Variants in CNTNAP4 observed in about 807,000 individuals in gnomAD.
The protein encoded by CNTNAP4 is contactin-associated protein-like 4.
Under a neutral mutation model 148.4 loss-of-function variants are expected in CNTNAP4, and 98 were observed. The ratio of observed to expected loss-of-function variants is 0.66; its 90% CI spans 0.56 to 0.78. CNTNAP4 has a LOEUF of 0.78. Ranked by LOEUF, CNTNAP4 falls within the 30% of genes least tolerant of loss-of-function variation. CNTNAP4 has a pLI of 0.00. For synonymous variants in CNTNAP4, 730 were observed against 565.1 expected (o/e 1.29, Z -4.14); for missense variants, 1,935 against 1,565.6 (o/e 1.24, Z -3.98).
At chr16:76,493,770 C>G (rs1041280928) in intron 13 of CNTNAP4, among the ~76,000 whole-genome samples, 8 of 152,148 alleles carry the variant, frequency 5.3e-5, no homozygotes, top group South Asian at 2.1e-4. Flanking sequence ...CATAACACAG[C>G]TTCTAATAAC....
intron 1 of CNTNAP4, among the ~76,000 whole-genome samples, chr16:76,295,236 A>G (rs1959205652): frequency 6.6e-6 from 1 of 152,202 alleles, no homozygotes; most frequent in Non-Finnish European, 1.5e-5. Flanking sequence ...GCGGAAACAC[A>G]TGCCCATCAT....
At position 76,277,562 on chromosome 16, in the gene CNTNAP4, GGGCTGAA is replaced by G; in HGVS notation, c.-99_-93del. ...GAGGGGGAGAGACAGAGACCTAGAG[GGGCTGAA>G]GACCCAGACAGAGCTGGCAGAGCTA... On this transcript the variant is annotated 5_prime_UTR_variant, in exon 1 of 24. Transcript: ENST00000611870. The G allele has an allele frequency of 1.4e-6, 1 of 738,966 alleles. No homozygotes were observed. The highest frequency in any genetic ancestry group is 1.6e-5 in the South Asian group (1 of 63,838). 45.8% of individuals were successfully genotyped at this position (738,966 alleles called of 1,614,324 possible). A position where few individuals can be genotyped will look rare whatever the true frequency, so the allele number is the denominator to read the frequency against.
intron 4 of CNTNAP4, among the ~76,000 whole-genome samples, chr16:76,437,533 A>T (rs1349739826): frequency 6.6e-6 from 1 of 152,156 alleles, no homozygotes; most frequent in East Asian, 1.9e-4. Context: ...CAAAAAGGAT[A>T]GTAACTGCTA....
intron 18 of CNTNAP4, 109 bp downstream of exon 18, chr16:76,535,893 A>T: frequency 7.9e-7 from 1 of 1,258,990 alleles, no homozygotes; most frequent in East Asian, 2.5e-5. Flanking sequence ...TCAATTTCTG[A>T]ATTGCTTTGG....
intron 2 of CNTNAP4, among the ~76,000 whole-genome samples, chr16:76,323,686 T>C (rs1425333664): frequency 6.6e-6 from 1 of 152,122 alleles, no homozygotes; most frequent in East Asian, 1.9e-4. Context: ...GCCCCTTCCT[T>C]AGAACATGCT....
intron 21 of CNTNAP4, among the ~76,000 whole-genome samples, chr16:76,543,728 C>T (rs1568583905): frequency 6.6e-6 from 1 of 152,194 alleles, no homozygotes; most frequent in Non-Finnish European, 1.5e-5. Flanking sequence ...CTTGGAATGC[C>T]TGCTGTGACC....
At chr16:76,494,463 A>T (rs904056432) in intron 13 of CNTNAP4, among the ~76,000 whole-genome samples, 1 of 152,164 alleles carries the variant, frequency 6.6e-6, no homozygotes, top group Non-Finnish European at 1.5e-5. Flanking sequence ...ATTTATTGAG[A>T]TAAATCAGGG....
chr16:76,410,722 C>T (rs142023404), intron 3 of CNTNAP4, among the ~76,000 whole-genome samples: 34 of 151,756 alleles, frequency 2.2e-4, no homozygotes, highest in African/African-American at 7.7e-4. Context: ...TGTACAGAAT[C>T]TGAAGGTCAG....
chr16:76,505,987 T>C (rs59452342), intron 15 of CNTNAP4, among the ~76,000 whole-genome samples: 18,844 of 97,272 alleles, frequency 0.19, 5,692 homozygotes, highest in African/African-American at 0.39. Flanking sequence ...ATTTCAGTAA[T>C]ATGGATATTC....
intron 6 of CNTNAP4, 82 bp downstream of exon 6, chr16:76,449,033 A>G: frequency 1.6e-6 from 2 of 1,287,298 alleles, no homozygotes; most frequent in Non-Finnish European, 2.2e-6. Context: ...CACTATAAAG[A>G]GCCCACCTTT....
intron 1 of CNTNAP4, among the ~76,000 whole-genome samples, chr16:76,310,595 C>T (rs1960994312): frequency 1.3e-5 from 2 of 151,866 alleles, no homozygotes; most frequent in African/African-American, 4.8e-5. Context: ...TCTCACCCTG[C>T]CTCTGGTGTA....
At chr16:76,501,469 T>A (rs895151905) in intron 15 of CNTNAP4, among the ~76,000 whole-genome samples, 1 of 152,184 alleles carries the variant, frequency 6.6e-6, no homozygotes, top group Non-Finnish European at 1.5e-5. Context: ...AGACTTCCTG[T>A]CATCATTTTA....
intron 1 of CNTNAP4, among the ~76,000 whole-genome samples, chr16:76,301,895 T>G (rs1434258148): frequency 6.6e-6 from 1 of 152,096 alleles, no homozygotes; most frequent in Non-Finnish European, 1.5e-5. Flanking sequence ...TCATGGCATT[T>G]CGTAGGACAT....
chr16:76,413,213 TG>T (rs1319555150), intron 3 of CNTNAP4, among the ~76,000 whole-genome samples: 2 of 151,312 alleles, frequency 1.3e-5, no homozygotes, highest in African/African-American at 4.8e-5. Context: ...TCTTTCTGTT[TG>T]TTTGTACCCG....
intron 3 of CNTNAP4, among the ~76,000 whole-genome samples, chr16:76,412,594 C>CT (rs1315997199): frequency 6.6e-6 from 1 of 151,404 alleles, no homozygotes; most frequent in Non-Finnish European, 1.5e-5. Flanking sequence ...AACTCTCACA[C>CT]TTTGGTTCTA....
intron 21 of CNTNAP4, among the ~76,000 whole-genome samples, chr16:76,549,946 C>T (rs781517087): frequency 3.9e-5 from 6 of 152,130 alleles, no homozygotes; most frequent in Non-Finnish European, 8.8e-5. Flanking sequence ...TTTGTGTCTG[C>T]AGATTGAAAG....
intron 4 of CNTNAP4, chr16:76,432,593 A>G (rs1216131767): frequency 2.0e-5 from 3 of 152,242 alleles, no homozygotes; most frequent in Non-Finnish European, 4.4e-5. Flanking sequence ...AAACAATACT[A>G]CATGTCTGAA....
rs1029214323 is a variant in CNTNAP4 at position 76,325,929 on chromosome 16, TA to T, written c.196+9414del. Among the ~76,000 whole-genome samples the T allele has an allele frequency of 6.6e-5, 10 of 151,748 alleles. No individual in the cohort carries two copies. In the South Asian group the frequency reaches 8.3e-4, roughly 13 times the overall value. ...AACCTGCAAAACTGCACTCAATAAA[TA>T]AAAAAAATTAAAATATTTCTCTACC... On this transcript the variant is annotated intron_variant, in intron 2 of 23. Transcript: ENST00000611870.
intron 12 of CNTNAP4, among the ~76,000 whole-genome samples, chr16:76,483,576 C>T (rs1391079892): frequency 6.6e-6 from 1 of 152,136 alleles, no homozygotes; most frequent in Non-Finnish European, 1.5e-5. Flanking sequence ...TTCTAGGGCT[C>T]AGTGCGTGCA....
Sources: allele counts gnomAD v4.1 joint callset (sites outside exome capture counted in the v4.1 genomes callset), GRCh38; gene constraint gnomAD v4.1.1; transcripts MANE v1.5; gene names NCBI Gene and HGNC (gene_info 2026-07-23, HGNC 2026-07-21).